Variants in PTPRG observed in about 807,000 individuals in gnomAD.
PTPRG encodes the protein receptor-type tyrosine-protein phosphatase gamma.
Under a neutral mutation model 165.3 loss-of-function variants are expected in PTPRG, and 102 were observed. That is an observed-to-expected ratio of 0.62 (90% CI 0.53 to 0.73). The LOEUF (loss-of-function observed/expected upper bound fraction) is 0.73. Among genes scored for constraint, PTPRG ranks in the 30% least tolerant of loss-of-function variants. The probability of loss-of-function intolerance (pLI) is 0.00; values close to 1 mark genes in which losing one functional copy is unlikely to be tolerated. For missense variants in PTPRG, 1,866 were observed against 1,861.4 expected, an observed-to-expected ratio of 1.00 and a Z score of -0.05; for synonymous variants, 675 against 669.5, an observed-to-expected ratio of 1.01 and a Z score of -0.13.
chr3:61,699,080 T>C (rs553922566), intron 1 of PTPRG, among the ~76,000 whole-genome samples: 3 of 152,052 alleles, frequency 2.0e-5, no homozygotes, highest in South Asian at 2.1e-4. Context: ...AAATCACGAG[T>C]TAATGGGTGC....
At chr3:62,138,303 A>G (rs1374668998) in intron 6 of PTPRG, among the ~76,000 whole-genome samples, 1 of 152,238 alleles carries the variant, frequency 6.6e-6, no homozygotes, top group Non-Finnish European at 1.5e-5. Context: ...GTGTAACATA[A>G]CCATATTTAT....
intron 2 of PTPRG, among the ~76,000 whole-genome samples, chr3:61,790,745 A>ATTT (rs367605654): frequency 1.4e-5 from 2 of 138,598 alleles, no homozygotes; most frequent in African/African-American, 5.3e-5. Flanking sequence ...GACTTCTGTG[A>ATTT]TTTTTTTTTT....
chr3:61,678,754 A>G (rs533919605), intron 1 of PTPRG, among the ~76,000 whole-genome samples: 1 of 152,206 alleles, frequency 6.6e-6, no homozygotes, highest in Non-Finnish European at 1.5e-5. Flanking sequence ...TATTATACAA[A>G]TAACCCCAAA....
chr3:61,812,764 C>G (rs545301342), intron 2 of PTPRG, among the ~76,000 whole-genome samples: 8 of 152,212 alleles, frequency 5.3e-5, no homozygotes, highest in African/African-American at 1.9e-4. Flanking sequence ...TGGGCCAGCT[C>G]TCAGATAATT....
chr3:61,821,111 AC>A, intron 2 of PTPRG, among the ~76,000 whole-genome samples: 1 of 152,190 alleles, frequency 6.6e-6, no homozygotes, highest in East Asian at 1.9e-4. Flanking sequence ...AATAATAAAA[AC>A]AGCACAAAAC....
At chr3:62,002,636 T>C (rs2041199940) in intron 3 of PTPRG, among the ~76,000 whole-genome samples, 1 of 152,238 alleles carries the variant, frequency 6.6e-6, no homozygotes, top group African/African-American at 2.4e-5. Context: ...TGAGGTTCCC[T>C]ATGTTGCGGA....
rs144650988 is a variant in PTPRG, at chr3:61,895,363, T to A, written c.191-94262T>A. ...GTAAACTTCCTGCTTAGCAACAGAA[T>A]AGAGTACCTTCATGGTTATTAAAAT... is the stretch of plus-strand genomic sequence containing the variant. On this transcript the variant is annotated intron_variant, in intron 2 of 29. Transcript: ENST00000474889. Among the ~76,000 whole-genome samples, 79 of 152,326 alleles carry A rather than the reference T, an allele frequency of 5.2e-4. 1 individual carries two copies. The East Asian group carries it at 6.9e-3, about 13-fold the overall frequency.
chr3:61,990,039 C>T (rs1490477634), intron 3 of PTPRG, among the ~76,000 whole-genome samples: 1 of 151,542 alleles, frequency 6.6e-6, no homozygotes, highest in Non-Finnish European at 1.5e-5. Context: ...TATTATACAT[C>T]TAGACCTAGG....
chr3:61,942,128 A>G (rs1241222844), intron 2 of PTPRG, among the ~76,000 whole-genome samples: 1 of 151,204 alleles, frequency 6.6e-6, no homozygotes, highest in African/African-American at 2.4e-5. Context: ...ACTACACTCC[A>G]GCCTGGGCAA....
intron 2 of PTPRG, among the ~76,000 whole-genome samples, chr3:61,844,529 GGA>G (rs564558914): frequency 6.7e-4 from 102 of 152,152 alleles, no homozygotes; most frequent in African/African-American, 2.2e-3. Context: ...TTTTTAAGAG[GGA>G]GAGTCTCGCC....
chr3:62,087,007 A>C (rs1701774264), intron 5 of PTPRG, among the ~76,000 whole-genome samples: 1 of 152,234 alleles, frequency 6.6e-6, no homozygotes, highest in Non-Finnish European at 1.5e-5. Context: ...AATCTATTTA[A>C]ATTAAATCAT....
chr3:62,158,374 A>C (rs575019973), intron 7 of PTPRG, among the ~76,000 whole-genome samples: 1 of 152,320 alleles, frequency 6.6e-6, no homozygotes, highest in African/African-American at 2.4e-5. Context: ...AGTGGATTTG[A>C]GCCATTAACC....
At chr3:62,226,295 A>T (rs1274030109) in intron 13 of PTPRG, among the ~76,000 whole-genome samples, 1 of 152,240 alleles carries the variant, frequency 6.6e-6, no homozygotes, top group Admixed American at 6.5e-5. Flanking sequence ...ACACTCCAGG[A>T]AAAGGGGATG....
chr3:61,703,235 T>G (rs951707957), intron 1 of PTPRG, among the ~76,000 whole-genome samples: 1 of 152,102 alleles, frequency 6.6e-6, no homozygotes, highest in African/African-American at 2.4e-5. Context: ...CCCACTTATA[T>G]AGGTGCCACA....
chr3:61,580,358 G>A (rs926391596), intron 1 of PTPRG, among the ~76,000 whole-genome samples: 16 of 151,110 alleles, frequency 1.1e-4, no homozygotes, highest in African/African-American at 7.3e-5. Context: ...CCCTTGAGTC[G>A]TTCAAGGGTC....
At chr3:61,640,349 A>C (rs1409293501) in intron 1 of PTPRG, among the ~76,000 whole-genome samples, 1 of 152,094 alleles carries the variant, frequency 6.6e-6, no homozygotes, top group Non-Finnish European at 1.5e-5. Flanking sequence ...TGGGGTATAC[A>C]CCTGGGGCCA....
chr3:61,886,410 T>C (rs1011985132), intron 2 of PTPRG, among the ~76,000 whole-genome samples: 2 of 152,194 alleles, frequency 1.3e-5, no homozygotes, highest in Non-Finnish European at 2.9e-5. Context: ...TTCCTCTTTT[T>C]GTAGAGAGTA....
chr3:62,208,304 C>T lies in PTPRG; in HGVS notation c.2155+4354C>T, dbSNP rs114123415. Among the ~76,000 whole-genome samples the T allele has an allele frequency of 9.2e-3, 1,401 of 152,304 alleles. 24 individuals carry two copies. The highest frequency in any genetic ancestry group is 0.032 in the African/African-American group (1,343 of 41,564). On this transcript the variant is annotated intron_variant, in intron 12 of 29. Coordinates refer to ENST00000474889, the MANE Select transcript of PTPRG (RefSeq NM_002841.4). ...GCCACAGCGTGAGCCCAGAAGCCAA[C>T]TGATGCAATGAAATGTTCTTGGGGG...
intron 1 of PTPRG, among the ~76,000 whole-genome samples, chr3:61,657,993 T>G (rs1350203918): frequency 1.2e-4 from 18 of 152,024 alleles, no homozygotes; most frequent in Non-Finnish European, 2.4e-4. Flanking sequence ...TTATGGTGCT[T>G]CCCTACACAC....
Sources: gnomAD v4.1 joint callset for allele counts (sites outside exome capture counted in the v4.1 genomes callset) on GRCh38, gnomAD v4.1.1 for gene constraint, MANE v1.5 for transcripts, NCBI Gene and HGNC (gene_info 2026-07-23, HGNC 2026-07-21) for gene names.